The following AGAP1 variants were observed in gnomAD, a reference collection of about 807,000 sequenced individuals.
AGAP1 encodes ArfGAP with GTPase domain, ankyrin repeat and PH domain 1.
AGAP1 carries 29 observed loss-of-function variants against 105.3 expected under a neutral mutation model. The observed-to-expected ratio is 0.28, with a 90% confidence interval of 0.21 to 0.38. The LOEUF (loss-of-function observed/expected upper bound fraction) is 0.38, where lower values mean the gene tolerates loss of function less well. AGAP1 is among the 10% of genes least tolerant of loss of function. AGAP1 has a pLI of 1.00. For missense variants in AGAP1, 998 were observed against 1,165.1 expected (o/e 0.86, Z 2.09); for synonymous variants, 509 against 485.9 (o/e 1.05, Z -0.63).
At chr2:235,563,407 T>C (rs1944232311) in intron 1 of AGAP1, among the ~76,000 whole-genome samples, 2 of 152,190 alleles carry the variant, frequency 1.3e-5, no homozygotes, top group Admixed American at 6.5e-5. Flanking sequence ...AGAAGCTACC[T>C]GAGCTCTGCT....
At chr2:235,809,435 T>C (rs1958013532) in intron 9 of AGAP1, among the ~76,000 whole-genome samples, 1 of 151,904 alleles carries the variant, frequency 6.6e-6, no homozygotes, top group Non-Finnish European at 1.5e-5. Flanking sequence ...CACAGACAGC[T>C]CCCTCCTCAC....
At chr2:235,658,626 G>A (rs1255116941) in intron 1 of AGAP1, among the ~76,000 whole-genome samples, 1 of 152,164 alleles carries the variant, frequency 6.6e-6, no homozygotes, top group Non-Finnish European at 1.5e-5. Context: ...CCTGGGCAGT[G>A]GACAGGGCTG....
intron 10 of AGAP1, among the ~76,000 whole-genome samples, chr2:235,899,800 GC>G (rs869266824): frequency 2.1e-5 from 3 of 143,448 alleles, no homozygotes; most frequent in Non-Finnish European, 4.7e-5. Context: ...TCCGAGGCAT[GC>G]ATCGTACAGG....
At position 235,586,958 on chromosome 2, in the gene AGAP1, G is replaced by A. The variant is rs899338202; in HGVS notation, c.163+92109G>A. ...AGATCAAGAGGCAGAATATTACTAG[G>A]GTGGCAGTTTTGAGTCCCATGAAAA... On this transcript the variant is annotated intron_variant, in intron 1 of 17. Transcript: ENST00000304032. The surrounding 1 kb of genome is among the most constrained non-coding windows in gnomAD (Gnocchi z 4.2). Among the ~76,000 whole-genome samples the A allele has an allele frequency of 6.6e-6, 1 of 152,154 alleles. No individual in the cohort carries two copies. Among genetic ancestry groups the A allele is most frequent in the Non-Finnish European group, 1.5e-5 (1 of 68,036 alleles).
intron 1 of AGAP1, among the ~76,000 whole-genome samples, chr2:235,686,031 C>T (rs560513858): frequency 1.3e-5 from 2 of 152,118 alleles, no homozygotes; most frequent in Non-Finnish European, 2.9e-5. Context: ...GTGAGCAGGG[C>T]GATGACTTTG....
rs917209885 is a variant in AGAP1, at chr2:236,062,986, G to T, written c.2114+13705G>T. ...TCAGCTATTTTTTTAAGAGATGGGGGTCTCACTATGTTGCCCAGGCAGGGA... is the reference window on the plus strand; with the variant it reads ...TCAGCTATTTTTTTAAGAGATGGGGTTCTCACTATGTTGCCCAGGCAGGGA... On this transcript the variant is annotated intron_variant, in intron 16 of 17. Transcript: ENST00000304032. The surrounding 1 kb of genome is among the most constrained non-coding windows in gnomAD (Gnocchi z 4.2). Among the ~76,000 whole-genome samples the T allele has an allele frequency of 6.6e-6, 1 of 152,110 alleles. No homozygotes were observed. Among genetic ancestry groups the T allele is most frequent in the Non-Finnish European group, 1.5e-5 (1 of 68,012 alleles).
chr2:236,107,283 T>C (rs2059522523), intron 16 of AGAP1, among the ~76,000 whole-genome samples: 1 of 152,192 alleles, frequency 6.6e-6, no homozygotes, highest in South Asian at 2.1e-4. Context: ...TCCTCCTCTG[T>C]GCTGGGTGCT....
At position 236,123,254 on chromosome 2, in the gene AGAP1, G is replaced by A. The variant is rs2059943158; in HGVS notation, c.2371-665G>A. On this transcript the variant is annotated intron_variant, in intron 17 of 17. Transcript: ENST00000304032. This position sits in a 1 kb window ranked among gnomAD's most constrained non-coding sequence, Gnocchi z 4.6. ...TGCCCAGCTAATTTTTTTAAAATGT[G>A]TTTTTTTCTAGAGACAGGGTCTCCC... Among the ~76,000 whole-genome samples, 1 of 152,036 alleles carries A rather than the reference G, an allele frequency of 6.6e-6. No homozygotes were observed. Among genetic ancestry groups the A allele is most frequent in the Non-Finnish European group, 1.5e-5 (1 of 67,994 alleles).
intron 16 of AGAP1, among the ~76,000 whole-genome samples, chr2:236,103,189 G>A (rs562762508): frequency 4.6e-5 from 7 of 152,254 alleles, no homozygotes; most frequent in East Asian, 1.9e-4. Flanking sequence ...CCTCTGTCCC[G>A]TTCCATCCTC....
rs1941218773 is a variant in AGAP1 at position 235,494,530 on chromosome 2, GCTCCGCCCGCGCCTTTCTTCTCGCGCCTC to G, written c.-146_-118del. ...GAGCCCGCGGGCCAGCCCCGCGCCT[GCTCCGCCCGCGCCTTTCTTCTCGCGCCTC>G]CTCCGCCCGCCGCCGGCGGGCCCGG... is the stretch of plus-strand genomic sequence containing the variant. On this transcript the variant is annotated 5_prime_UTR_variant, in exon 1 of 18. Transcript: ENST00000304032. 1.4e-5 allele frequency: 2 copies of G among 146,292 alleles called. No homozygotes were observed. The highest frequency in any genetic ancestry group is 5.0e-5 in the African/African-American group (2 of 39,802). The allele number at this position is 146,292 out of a possible 1,614,324, so 9.1% of individuals were successfully genotyped here. A position where few individuals can be genotyped will look rare whatever the true frequency, so the allele number is the denominator to read the frequency against.
intron 9 of AGAP1, among the ~76,000 whole-genome samples, chr2:235,871,149 G>C (rs2049417980): frequency 6.6e-6 from 1 of 152,210 alleles, no homozygotes; most frequent in Non-Finnish European, 1.5e-5. Context: ...GGCATCCCCA[G>C]GATTTGATCT....
At chr2:236,100,832 GAAA>G (rs72435294) in intron 16 of AGAP1, among the ~76,000 whole-genome samples, 3 of 108,812 alleles carry the variant, frequency 2.8e-5, no homozygotes, top group African/African-American at 9.6e-5. Flanking sequence ...TCCCTCTCAA[GAAA>G]AAAAAAAAAA....
In AGAP1 at chr2:235,889,141, G is replaced by A. The variant is rs1462653108; in HGVS notation, c.1155+5692G>A. ...CCCAGACAGATGTTTTCCACACATC[G>A]GTGTGTTCGAAAATAAACCCAGCTC... On this transcript the variant is annotated intron_variant, in intron 10 of 17. Transcript: ENST00000304032. This position sits in a 1 kb window ranked among gnomAD's most constrained non-coding sequence, Gnocchi z 4.6. Among the ~76,000 whole-genome samples, 4 of 152,244 alleles carry A rather than the reference G, an allele frequency of 2.6e-5. No individual in the cohort carries two copies. The highest frequency in any genetic ancestry group is 5.9e-5 in the Non-Finnish European group (4 of 68,016).
chr2:235,957,304 C>T lies in AGAP1; in HGVS notation c.1484-11158C>T, dbSNP rs1247252888. ...TCTCTGGGCGTAATTGAAAATGGCC[C>T]AAGTAGGCAATTCTTCTCTCCTGTG... On this transcript the variant is annotated intron_variant, in intron 12 of 17. Coordinates refer to ENST00000304032, the MANE Select transcript of AGAP1 (RefSeq NM_001037131.3). The surrounding 1 kb of genome is among the most constrained non-coding windows in gnomAD (Gnocchi z 4.6). Among the ~76,000 whole-genome samples, 1 of 152,292 alleles carries T rather than the reference C, an allele frequency of 6.6e-6. No homozygotes were observed. The highest frequency in any genetic ancestry group is 2.1e-4 in the South Asian group (1 of 4,818).
chr2:236,102,230 A>T (rs538895446), intron 16 of AGAP1, among the ~76,000 whole-genome samples: 107 of 152,276 alleles, frequency 7.0e-4, no homozygotes, highest in African/African-American at 2.4e-3. Flanking sequence ...ATCCTGGCTA[A>T]CACGGTGAAA....
intron 16 of AGAP1, among the ~76,000 whole-genome samples, chr2:236,117,133 A>G (rs2059790227): frequency 6.6e-6 from 1 of 152,154 alleles, no homozygotes; most frequent in African/African-American, 2.4e-5. Flanking sequence ...TGATTGCTGG[A>G]TCAAATGGCA....
Position 235,788,220 on chromosome 2 carries a change from C to T in AGAP1, c.674-9539C>T, listed in dbSNP as rs56329604. On this transcript the variant is annotated intron_variant, in intron 6 of 17. Transcript: ENST00000304032. The surrounding 1 kb of genome is among the most constrained non-coding windows in gnomAD (Gnocchi z 6.0). ...ACTGGGACCCTACGGTACAGCCAGC[C>T]GGAGACACAGGGTTCCAGACACAGC... Among the ~76,000 whole-genome samples, 39,309 of 152,056 alleles carry T rather than the reference C, an allele frequency of 0.26. 5,444 individuals carry two copies. The highest frequency in any genetic ancestry group is 0.4 in the Admixed American group (6,054 of 15,274).
intron 3 of AGAP1, among the ~76,000 whole-genome samples, chr2:235,738,564 T>TTTC (rs1181973905): frequency 1.5e-5 from 2 of 135,530 alleles, no homozygotes; most frequent in Non-Finnish European, 3.2e-5. Context: ...TCTTTCTTTC[T>TTTC]TTTTTTTTTT....
At chr2:235,782,256 A>ATTTTT (rs35429287) in intron 6 of AGAP1, among the ~76,000 whole-genome samples, 1 of 148,438 alleles carries the variant, frequency 6.7e-6, no homozygotes. Context: ...ACTCCTGCCC[A>ATTTTT]TTTTTTTTTT....
Sources: allele counts gnomAD v4.1 joint callset (sites outside exome capture counted in the v4.1 genomes callset), GRCh38; gene constraint gnomAD v4.1.1; non-coding constraint Gnocchi (gnomAD v3.1); transcripts MANE v1.5; gene names NCBI Gene and HGNC (gene_info 2026-07-23, HGNC 2026-07-21).